Variants in INPP4B observed in about 807,000 individuals in gnomAD.
The protein encoded by INPP4B is inositol polyphosphate-4-phosphatase type II B.
In INPP4B, 55 loss-of-function variants were observed where a neutral mutation model predicts 122.5. The ratio of observed to expected loss-of-function variants is 0.45; its 90% CI spans 0.36 to 0.56. The LOEUF is 0.56. Among genes scored for constraint, INPP4B ranks in the 20% least tolerant of loss-of-function variants. The pLI, the probability that INPP4B is intolerant of heterozygous loss-of-function variation, is 0.00. For synonymous variants in INPP4B, 403 were observed against 388.7 expected (o/e 1.04, Z -0.43); for missense variants, 1,000 against 1,097.7 (o/e 0.91, Z 1.26).
chr4:142,083,101 C>CA (rs33936815), intron 24 of INPP4B, among the ~76,000 whole-genome samples: 12,567 of 126,198 alleles, frequency 0.1, 634 homozygotes, highest in African/African-American at 0.16. Context: ...CACCCTGTCT[C>CA]AAAAAAAAAA....
intron 23 of INPP4B, among the ~76,000 whole-genome samples, chr4:142,101,153 A>C (rs1411652511): frequency 2.6e-5 from 4 of 152,122 alleles, no homozygotes; most frequent in Admixed American, 2.0e-4. Flanking sequence ...ACCATGTTCT[A>C]AGAAAGTGAA....
intron 2 of INPP4B, among the ~76,000 whole-genome samples, chr4:142,592,613 C>A (rs1737745592): frequency 6.6e-6 from 1 of 152,162 alleles, no homozygotes; most frequent in African/African-American, 2.4e-5. Flanking sequence ...AAGGTTCCTG[C>A]TACCCATAGA....
At chr4:142,639,400 GTTAA>G (rs1458634362) in intron 2 of INPP4B, among the ~76,000 whole-genome samples, 9 of 152,068 alleles carry the variant, frequency 5.9e-5, no homozygotes, top group Admixed American at 5.9e-4. Context: ...TTAATGGGTT[GTTAA>G]TTATTGATTA....
intron 1 of INPP4B, among the ~76,000 whole-genome samples, chr4:142,752,367 C>T (rs1032302145): frequency 9.9e-5 from 15 of 152,190 alleles, no homozygotes; most frequent in Admixed American, 7.2e-4. Context: ...AATTGCCACA[C>T]GGGTCTTCAG....
intron 2 of INPP4B, among the ~76,000 whole-genome samples, chr4:142,585,087 T>A (rs544946405): frequency 9.2e-5 from 14 of 152,176 alleles, no homozygotes; most frequent in African/African-American, 2.2e-4. Flanking sequence ...AATGAAGGGA[T>A]GGGATTGCTG....
At chr4:142,593,731 A>G (rs1738057453) in intron 2 of INPP4B, among the ~76,000 whole-genome samples, 1 of 152,022 alleles carries the variant, frequency 6.6e-6, no homozygotes. Flanking sequence ...TTTTATAACA[A>G]TATTATTATT....
chr4:142,786,582 G>T (rs1282836563), intron 1 of INPP4B, among the ~76,000 whole-genome samples: 1 of 152,058 alleles, frequency 6.6e-6, no homozygotes, highest in Admixed American at 6.6e-5. Context: ...ATATGAAAAT[G>T]AAGAGAGAGA....
chr4:142,090,285 T>A (rs1194465605), intron 23 of INPP4B, among the ~76,000 whole-genome samples: 1 of 75,812 alleles, frequency 1.3e-5, no homozygotes, highest in African/African-American at 3.4e-5. Flanking sequence ...ACAAGAAAAG[T>A]AATTTTGATT....
At chr4:142,842,491 A>C (rs889540723) in intron 1 of INPP4B, among the ~76,000 whole-genome samples, 2 of 144,484 alleles carry the variant, frequency 1.4e-5, no homozygotes, top group South Asian at 4.3e-4. Context: ...TAGTGAGTAC[A>C]ACTGTGCCTT....
Position 142,242,320 on chromosome 4 carries a change from A to C in INPP4B, c.689-4309T>G, listed in dbSNP as rs117721845. On this transcript the variant is annotated intron_variant, in intron 11 of 25. Transcript: ENST00000262992. ...ATGAGAGGAGCTCAGAAAATACAGC[A>C]AACAGATACCCTGAATGCAGCCAAA... Among the ~76,000 whole-genome samples, 23 of 152,314 alleles carry C rather than the reference A, an allele frequency of 1.5e-4. No individual in the cohort carries two copies. The East Asian group carries it at 4.4e-3, about 29-fold the overall frequency.
intron 2 of INPP4B, among the ~76,000 whole-genome samples, chr4:142,674,375 C>T (rs573525092): frequency 6.6e-6 from 1 of 152,210 alleles, no homozygotes; most frequent in East Asian, 1.9e-4. Flanking sequence ...TAGGCTTATG[C>T]AGCCTTTGCA....
chr4:142,561,838 C>G (rs1730540136), intron 2 of INPP4B, among the ~76,000 whole-genome samples: 3 of 152,130 alleles, frequency 2.0e-5, no homozygotes, highest in Admixed American at 6.5e-5. Context: ...CTTTTAAGAT[C>G]TGTAAGACTG....
chr4:142,050,223 C>T (rs1011232890), intron 25 of INPP4B, among the ~76,000 whole-genome samples: 3 of 151,914 alleles, frequency 2.0e-5, no homozygotes, highest in Non-Finnish European at 4.4e-5. Flanking sequence ...TGACTTAGTA[C>T]AAATGAGATT....
At chr4:142,059,311 G>C (rs778194661) in intron 25 of INPP4B, among the ~76,000 whole-genome samples, 12 of 152,100 alleles carry the variant, frequency 7.9e-5, no homozygotes. Context: ...TCTCCCTGTA[G>C]CCCCTGACAG....
chr4:142,600,268 T>C (rs1474208258), intron 2 of INPP4B, among the ~76,000 whole-genome samples: 1 of 152,146 alleles, frequency 6.6e-6, no homozygotes, highest in Non-Finnish European at 1.5e-5. Context: ...GTTGCCCACT[T>C]GGATCTCTTT....
chr4:142,081,679 C>CAA (rs954462650), intron 25 of INPP4B, among the ~76,000 whole-genome samples: 5 of 152,016 alleles, frequency 3.3e-5, no homozygotes, highest in Non-Finnish European at 5.9e-5. Flanking sequence ...CTTGCTCTTA[C>CAA]AGTGTTATAT....
intron 1 of INPP4B, among the ~76,000 whole-genome samples, chr4:142,731,437 G>A (rs965764995): frequency 2.0e-5 from 3 of 152,136 alleles, no homozygotes; most frequent in Non-Finnish European, 2.9e-5. Flanking sequence ...TCTACATTTT[G>A]ATGTCTGCCA....
chr4:142,429,127 C>A, intron 5 of INPP4B, 46 bp downstream of exon 5: 1 of 1,148,924 alleles, frequency 8.7e-7, no homozygotes, highest in East Asian at 2.5e-5. Flanking sequence ...CAAACTACTA[C>A]ACAAATTCTT....
At chr4:142,043,179 T>C (rs1271076368) in intron 25 of INPP4B, among the ~76,000 whole-genome samples, 1 of 152,180 alleles carries the variant, frequency 6.6e-6, no homozygotes, top group African/African-American at 2.4e-5. Flanking sequence ...TTCTCTTTAA[T>C]TCCACTCTAC....
Sources: allele counts gnomAD v4.1 joint callset (sites outside exome capture counted in the v4.1 genomes callset), GRCh38; gene constraint gnomAD v4.1.1; transcripts MANE v1.5; gene names NCBI Gene and HGNC (gene_info 2026-07-23, HGNC 2026-07-21).